IGSF21: variants seen among roughly 807,000 people sequenced by gnomAD.
The protein encoded by IGSF21 is immunoglobin superfamily member 21.
Under a neutral mutation model 46.8 loss-of-function variants are expected in IGSF21, and 28 were observed. The ratio of observed to expected loss-of-function variants is 0.60; its 90% CI spans 0.44 to 0.82. The LOEUF is 0.82. Among genes scored for constraint, IGSF21 ranks in the 40% least tolerant of loss-of-function variants. The pLI, the probability that IGSF21 is intolerant of heterozygous loss-of-function variation, is 0.00. For missense variants in IGSF21, 624 were observed against 665.5 expected (o/e 0.94, Z 0.69); for synonymous variants, 284 against 273.6 (o/e 1.04, Z -0.38).
chr1:18,346,617 G>T (rs2085895589), intron 4 of IGSF21, among the ~76,000 whole-genome samples: 1 of 152,156 alleles, frequency 6.6e-6, no homozygotes, highest in Non-Finnish European at 1.5e-5. Flanking sequence ...GATGGAGATG[G>T]TCCTCTGAGA....
At chr1:18,141,543 T>C (rs998738657) in intron 1 of IGSF21, among the ~76,000 whole-genome samples, 1 of 151,960 alleles carries the variant, frequency 6.6e-6, no homozygotes, top group South Asian at 2.1e-4. Context: ...GAGGATGCTG[T>C]GGATCACCAG....
intron 3 of IGSF21, among the ~76,000 whole-genome samples, chr1:18,333,381 G>A (rs993031312): frequency 1.3e-5 from 2 of 152,130 alleles, no homozygotes; most frequent in African/African-American, 4.8e-5. Context: ...CCATCCAAGT[G>A]TCCAGATTCC....
chr1:18,328,036 G>T (rs1467930052), intron 3 of IGSF21, among the ~76,000 whole-genome samples: 2 of 152,194 alleles, frequency 1.3e-5, no homozygotes, highest in Non-Finnish European at 2.9e-5. Context: ...CCTGGGACAG[G>T]TTAATTAACG....
chr1:18,302,332 T>A (rs2085370658), intron 3 of IGSF21, among the ~76,000 whole-genome samples: 1 of 151,916 alleles, frequency 6.6e-6, no homozygotes, highest in South Asian at 2.1e-4. Context: ...ATGTCTACTG[T>A]CTCCACCAAG....
chr1:18,196,495 G>A (rs1022186055), intron 1 of IGSF21, among the ~76,000 whole-genome samples: 4 of 152,176 alleles, frequency 2.6e-5, no homozygotes, highest in Admixed American at 6.5e-5. Flanking sequence ...CAGCAGGAGA[G>A]CCCAGGGTCT....
intron 1 of IGSF21, among the ~76,000 whole-genome samples, chr1:18,154,188 C>T (rs1025647313): frequency 2.0e-5 from 3 of 152,148 alleles, no homozygotes; most frequent in Non-Finnish European, 2.9e-5. Context: ...TGGGCTGATG[C>T]GCTCATTTGC....
chr1:18,214,683 C>G (rs1388009651), intron 1 of IGSF21, among the ~76,000 whole-genome samples: 1 of 152,150 alleles, frequency 6.6e-6, no homozygotes, highest in East Asian at 1.9e-4. Context: ...ATCTTACATG[C>G]AGGCAGGAGA....
chr1:18,174,262 C>G (rs2124462479), intron 1 of IGSF21, among the ~76,000 whole-genome samples: 1 of 152,288 alleles, frequency 6.6e-6, no homozygotes, highest in South Asian at 2.1e-4. Context: ...AGCTTGCACC[C>G]CACCCCCGAG....
chr1:18,356,498 G>T (rs78171491), intron 4 of IGSF21, among the ~76,000 whole-genome samples: 1,877 of 152,310 alleles, frequency 0.012, 38 homozygotes, highest in African/African-American at 0.043. Flanking sequence ...ACACAGGCAG[G>T]TGGCCTCACC....
chr1:18,214,993 G>C (rs1371005533), intron 1 of IGSF21, among the ~76,000 whole-genome samples: 1 of 152,118 alleles, frequency 6.6e-6, no homozygotes, highest in African/African-American at 2.4e-5. Context: ...GCCCTCCTCG[G>C]CCTCCCAAAG....
intron 2 of IGSF21, among the ~76,000 whole-genome samples, chr1:18,228,470 C>A (rs1241170340): frequency 6.6e-6 from 1 of 152,162 alleles, no homozygotes; most frequent in East Asian, 1.9e-4. Context: ...TAGGACTAAT[C>A]CTGGTGTCTG....
chr1:18,224,640 A>G (rs145368073), intron 1 of IGSF21, among the ~76,000 whole-genome samples: 3 of 152,124 alleles, frequency 2.0e-5, no homozygotes, highest in African/African-American at 7.2e-5. Flanking sequence ...TAGATTCTCA[A>G]TTAATTTGTT....
chr1:18,171,195 C>A (rs2086733086), intron 1 of IGSF21, among the ~76,000 whole-genome samples: 1 of 152,026 alleles, frequency 6.6e-6, no homozygotes. Flanking sequence ...CCACCCTAGG[C>A]TCAGTGAGAA....
rs1012567969 is a variant in IGSF21 at position 18,376,108 on chromosome 1, G to A, written c.1016-202G>A. 8 of 563,130 alleles carry A rather than the reference G, an allele frequency of 1.4e-5. No homozygotes were observed. In the African/African-American group the frequency reaches 1.5e-4, roughly 11 times the overall value. The allele number at this position is 563,130 out of a possible 1,614,324, so 34.9% of individuals were successfully genotyped here. ...CCCTTGACTCCCCAGGTCCTAGAGA[G>A]CATCTGATTCATTGCATGGGCTTAG... is the stretch of plus-strand genomic sequence containing the variant. On this transcript the variant is annotated intron_variant, in intron 6 of 9. Coordinates refer to ENST00000251296, the MANE Select transcript of IGSF21 (RefSeq NM_032880.5).
chr1:18,185,653 A>G (rs1204759942), intron 1 of IGSF21, among the ~76,000 whole-genome samples: 2 of 152,198 alleles, frequency 1.3e-5, no homozygotes, highest in Non-Finnish European at 2.9e-5. Flanking sequence ...TCAGAATCCC[A>G]GCTCTGCCTC....
chr1:18,343,065 A>T (rs2085859072), intron 4 of IGSF21, among the ~76,000 whole-genome samples: 1 of 152,210 alleles, frequency 6.6e-6, no homozygotes, highest in African/African-American at 2.4e-5. Flanking sequence ...ACTGCATATG[A>T]GTCCCAACTT....
At position 18,227,928 on chromosome 1, in the gene IGSF21, C is replaced by A; in HGVS notation, c.101C>A (p.Pro34His). 3.1e-6 allele frequency: 5 copies of A among 1,614,052 alleles called. No homozygotes were observed. Among genetic ancestry groups the A allele is most frequent in the Non-Finnish European group, 4.2e-6 (5 of 1,179,936 alleles). ...GYLTVNIEPL[P>H]PVVAGDAVTL... ...CTGACAGTCAACATTGAGCCTCTCC[C>A]CCCTGTGGTGGCTGGAGACGCCGTG... The change falls in exon 2 of 10, where the codon CCC (proline) becomes CAC (histidine). Residue 34 changes from proline to histidine, a missense_variant. Pro to His is a moderately conservative substitution (Grantham distance 77). Transcript: ENST00000251296.
intron 1 of IGSF21, chr1:18,114,226 C>T (rs972933755): frequency 1.3e-5 from 2 of 152,098 alleles, no homozygotes; most frequent in Admixed American, 6.5e-5. Flanking sequence ...AGTTGTTCCC[C>T]GCTAGTAAAA....
intron 1 of IGSF21, among the ~76,000 whole-genome samples, chr1:18,140,217 G>A (rs1419732355): frequency 2.6e-5 from 4 of 152,184 alleles, no homozygotes; most frequent in African/African-American, 9.7e-5. Context: ...CAGAGTGCTG[G>A]AATCACGCAG....
Sources: allele counts gnomAD v4.1 joint callset (sites outside exome capture counted in the v4.1 genomes callset), GRCh38; gene constraint gnomAD v4.1.1; transcripts MANE v1.5; gene names NCBI Gene and HGNC (gene_info 2026-07-23, HGNC 2026-07-21).